Variants in OSBP2 observed in about 807,000 individuals in gnomAD.
OSBP2 encodes oxysterol-binding protein 2.
Under a neutral mutation model 96.0 loss-of-function variants are expected in OSBP2, and 66 were observed. The ratio of observed to expected loss-of-function variants is 0.69; its 90% CI spans 0.56 to 0.84. The LOEUF (loss-of-function observed/expected upper bound fraction) is 0.84, where lower values mean the gene tolerates loss of function less well. Ranked by LOEUF, OSBP2 falls within the 40% of genes least tolerant of loss-of-function variation. The pLI, the probability that OSBP2 is intolerant of heterozygous loss-of-function variation, is 0.00. For missense variants in OSBP2, 1,038 were observed against 1,222.7 expected, an observed-to-expected ratio of 0.85 and a Z score of 2.25; for synonymous variants, 525 against 520.9, an observed-to-expected ratio of 1.01 and a Z score of -0.11.
chr22:30,829,228 G>C (rs2146999138), intron 2 of OSBP2, among the ~76,000 whole-genome samples: 1 of 152,308 alleles, frequency 6.6e-6, no homozygotes, highest in South Asian at 2.1e-4. Context: ...GGCTCACTTG[G>C]CACCTCGCGT....
In OSBP2 at chr22:30,756,815, T is replaced by C. The variant is rs113666123; in HGVS notation, c.853+15446T>C. 7.1e-3 allele frequency among the ~76,000 whole-genome samples: 1,080 copies of C among 152,266 alleles called. 11 individuals are homozygous for C. The highest frequency in any genetic ancestry group is 0.025 in the African/African-American group (1,024 of 41,536). On this transcript the variant is annotated intron_variant, in intron 2 of 13. Transcript: ENST00000332585. ...GGCCACTCAGCTGACGGAAGTAACA[T>C]TGTCAGTCTTTGGGTGATGACCTGT...
At chr22:30,769,288 C>G (rs2090318033) in intron 2 of OSBP2, among the ~76,000 whole-genome samples, 1 of 152,132 alleles carries the variant, frequency 6.6e-6, no homozygotes, top group African/African-American at 2.4e-5. Context: ...ATTTCTTTGC[C>G]CATCACAGGG....
intron 1 of OSBP2, among the ~76,000 whole-genome samples, chr22:30,732,606 T>G (rs976665706): frequency 6.6e-6 from 1 of 152,190 alleles, no homozygotes; most frequent in Admixed American, 6.5e-5. Context: ...GACTAGATCC[T>G]CTAACCCAGC....
chr22:30,768,282 C>T (rs554965655), intron 2 of OSBP2, among the ~76,000 whole-genome samples: 32 of 152,250 alleles, frequency 2.1e-4, no homozygotes, highest in African/African-American at 7.0e-4. Context: ...AAGTGGCCAC[C>T]TTATTTCAGT....
chr22:30,881,629 C>A lies in OSBP2; in HGVS notation c.1108-5797C>A. ...AACCTCCCCCTGCCAGTCCCTCTGC[C>A]GGGCCCCAAGCCTAATCCAGCTTAT... On this transcript the variant is annotated intron_variant, in intron 3 of 13. Transcript: ENST00000332585. The surrounding 1 kb of genome is among the most constrained non-coding windows in gnomAD (Gnocchi z 4.5). 1.5e-6 allele frequency: 2 copies of A among 1,292,728 alleles called. No individual in the cohort carries two copies. Among genetic ancestry groups the A allele is most frequent in the Non-Finnish European group, 2.0e-6 (2 of 980,042 alleles). The allele number at this position is 1,292,728 out of a possible 1,614,324, so 80.1% of individuals were successfully genotyped here.
intron 2 of OSBP2, among the ~76,000 whole-genome samples, chr22:30,860,961 C>G (rs988532973): frequency 1.3e-5 from 2 of 152,188 alleles, no homozygotes; most frequent in Non-Finnish European, 1.5e-5. Flanking sequence ...GTATGCAGCT[C>G]TAGGTCACAG....
intron 2 of OSBP2, among the ~76,000 whole-genome samples, chr22:30,835,450 G>C (rs1763925537): frequency 6.6e-6 from 1 of 152,006 alleles, no homozygotes; most frequent in Non-Finnish European, 1.5e-5. Context: ...TAAATGTAAG[G>C]GTTAATTTCT....
intron 2 of OSBP2, among the ~76,000 whole-genome samples, chr22:30,793,441 C>T (rs551958292): frequency 7.2e-5 from 11 of 151,814 alleles, no homozygotes; most frequent in Admixed American, 1.3e-4. Context: ...TGAGGCTGGA[C>T]GATTGCTTGA....
At chr22:30,808,234 C>T (rs1176660481) in intron 2 of OSBP2, among the ~76,000 whole-genome samples, 1 of 152,168 alleles carries the variant, frequency 6.6e-6, no homozygotes, top group Non-Finnish European at 1.5e-5. Flanking sequence ...GGCATGGTAG[C>T]TCACACCTAT....
intron 2 of OSBP2, among the ~76,000 whole-genome samples, chr22:30,809,580 G>A (rs1219792518): frequency 2.0e-5 from 3 of 152,156 alleles, no homozygotes; most frequent in Non-Finnish European, 1.5e-5. Flanking sequence ...CAAGGCCTGG[G>A]ACTGGGGAGT....
rs140951642 is a variant in OSBP2 at position 30,829,202 on chromosome 22, G to A, written c.854-41227G>A. On this transcript the variant is annotated intron_variant, in intron 2 of 13. Coordinates refer to ENST00000332585, the MANE Select transcript of OSBP2 (RefSeq NM_030758.4). The stretch of plus-strand genomic sequence containing the variant: ...GTTCATTTGGCGTTCACGGGTTGGC[G>A]TGCAGGGCTGCTGTGGGCTCACTTG... Among the ~76,000 whole-genome samples, 195 of 152,330 alleles carry A rather than the reference G, an allele frequency of 1.3e-3. 3 individuals carry two copies. In the East Asian group the frequency reaches 0.033, roughly 26 times the overall value.
At chr22:30,775,799 G>T (rs1325174910) in intron 2 of OSBP2, among the ~76,000 whole-genome samples, 2 of 151,592 alleles carry the variant, frequency 1.3e-5, no homozygotes, top group African/African-American at 4.9e-5. Flanking sequence ...TGGGGGGGAG[G>T]TTGTTTTTTT....
Position 30,741,266 on chromosome 22 carries a change from G to A in OSBP2, c.750G>A (p.Arg250=). The change falls in exon 2 of 14, where the codon AGG becomes AGA. Residue 250 remains arginine (R), a synonymous_variant. Coordinates refer to ENST00000332585, the MANE Select transcript of OSBP2 (RefSeq NM_030758.4). ...GTATCTTGCTGACCAGTGGGGCCAG[G>A]AGCTACCACCTCAAGGCCAGCTCAG... ...SCGILLTSGA[R]SYHLKASSEV... The A allele has an allele frequency of 1.1e-5, 18 of 1,614,048 alleles. No individual in the cohort carries two copies. The highest frequency in any genetic ancestry group is 1.5e-5 in the Non-Finnish European group (18 of 1,180,030).
At chr22:30,877,160 G>C (rs994437661) in intron 3 of OSBP2, among the ~76,000 whole-genome samples, 1 of 152,110 alleles carries the variant, frequency 6.6e-6, no homozygotes, top group African/African-American at 2.4e-5. Flanking sequence ...GAGAGAGAGA[G>C]AGGAGGGGTG....
intron 4 of OSBP2, among the ~76,000 whole-genome samples, chr22:30,887,942 T>C (rs963260009): frequency 7.2e-5 from 11 of 152,124 alleles, no homozygotes; most frequent in African/African-American, 1.7e-4. Context: ...CAGGGGTCCA[T>C]CAGAAAGGGA....
intron 1 of OSBP2, among the ~76,000 whole-genome samples, chr22:30,739,154 G>A (rs2089898698): frequency 6.6e-6 from 1 of 152,156 alleles, no homozygotes. Flanking sequence ...TTCCGACATT[G>A]ATTGTAATTG....
chr22:30,781,191 A>C (rs2090514699), intron 2 of OSBP2, among the ~76,000 whole-genome samples: 1 of 148,872 alleles, frequency 6.7e-6, no homozygotes, highest in African/African-American at 2.5e-5. Flanking sequence ...CATGTTGTGC[A>C]GGCTGGTCCT....
Position 30,870,126 on chromosome 22 carries a change from T to C in OSBP2, c.854-303T>C, listed in dbSNP as rs1366386029. On this transcript the variant is annotated intron_variant, in intron 2 of 13. Transcript: ENST00000332585. This position sits in a 1 kb window ranked among gnomAD's most constrained non-coding sequence, Gnocchi z 4.1. ...CAATGTAGGGAGCTGGCGCCCTGCA[T>C]GCAGGTGGGTGCCTGTAGGCCTGCC... 3.9e-5 allele frequency among the ~76,000 whole-genome samples: 6 copies of C among 152,192 alleles called. No homozygotes were observed. Among genetic ancestry groups the C allele is most frequent in the Admixed American group, 1.3e-4 (2 of 15,288 alleles).
intron 2 of OSBP2, among the ~76,000 whole-genome samples, chr22:30,850,190 C>T (rs1244895323): frequency 6.6e-6 from 1 of 151,592 alleles, no homozygotes; most frequent in African/African-American, 2.4e-5. Flanking sequence ...CCTATAGTCC[C>T]AGCTACTTGG....
Sources: allele counts gnomAD v4.1 joint callset (sites outside exome capture counted in the v4.1 genomes callset), GRCh38; gene constraint gnomAD v4.1.1; non-coding constraint Gnocchi (gnomAD v3.1); transcripts MANE v1.5; gene names NCBI Gene and HGNC (gene_info 2026-07-23, HGNC 2026-07-21).